PDHA1: variants seen among roughly 807,000 people sequenced by gnomAD.
PDHA1 encodes the protein pyruvate dehydrogenase E1 subunit alpha 1.
A neutral mutation model predicts 33.0 loss-of-function variants in PDHA1; 1 was observed. That is an observed-to-expected ratio of 0.03 (90% CI 0.01 to 0.14). The LOEUF is 0.14. Ranked by LOEUF, PDHA1 falls within the 10% of genes least tolerant of loss-of-function variation. PDHA1 has a pLI of 1.00. For synonymous variants in PDHA1, 123 were observed against 119.2 expected (o/e 1.03, Z -0.21); for missense variants, 168 against 325.1 (o/e 0.52, Z 3.72).
In PDHA1 at chrX:19,359,781, A is replaced by C; in HGVS notation, c.*128A>C. ...TTGGAAACTTCCATTAAGTGTGTAG[A>C]TTGAGCAGGTAGTAATTGCATGCAG... On this transcript the variant is annotated 3_prime_UTR_variant, in exon 11 of 11. Transcript: ENST00000422285. 1.7e-6 allele frequency: 1 copy of C among 599,041 alleles called. No individual in the cohort carries two copies. Among genetic ancestry groups the C allele is most frequent in the Non-Finnish European group, 2.8e-6 (1 of 361,320 alleles). The allele number at this position is 599,041 out of a possible 1,213,427, so 49.4% of individuals were successfully genotyped here.
At position 19,349,895 on chromosome X, in the gene PDHA1, A is replaced by G. The variant is rs770151701; in HGVS notation, c.118-42A>G. Reference sequence around the variant, plus strand: ...CTTAGAGTGGTCAACAGTGTTTGCAATGTAGTATGTGGAGGATAATAACTA... The same window carrying G: ...CTTAGAGTGGTCAACAGTGTTTGCAGTGTAGTATGTGGAGGATAATAACTA... On this transcript the variant is annotated intron_variant, in intron 2 of 10. Transcript: ENST00000422285. 33 of 1,088,638 alleles carry G rather than the reference A, an allele frequency of 3.0e-5. No homozygotes were observed. In the South Asian group the frequency reaches 4.0e-4, roughly 13 times the overall value. The allele number at this position is 1,088,638 out of a possible 1,213,427, so 89.7% of individuals were successfully genotyped here.
In PDHA1 at chrX:19,358,952, T is replaced by A; in HGVS notation, c.936T>A (p.Ser312Arg). 8.3e-7 allele frequency: 1 copy of A among 1,199,026 alleles called. No individual in the cohort carries two copies. ...GAGAAGAAATTCAGGAAGTAAGAAGTAAGAGTGACCCTATTATGCTTCTCA... is the reference window on the plus strand; with the variant it reads ...GAGAAGAAATTCAGGAAGTAAGAAGAAAGAGTGACCCTATTATGCTTCTCA... The part of the protein sequence containing the change: ...RTREEIQEVR[S>R]KSDPIMLLKD... The change falls in exon 10 of 11, where the codon AGT becomes AGA. Residue 312 changes from serine to arginine, a missense_variant. Transcript: ENST00000422285.
At chrX:19,354,093 G>T (rs2063180069) in intron 5 of PDHA1, among the ~76,000 whole-genome samples, 1 of 111,230 alleles carries the variant, frequency 9.0e-6, no homozygotes, top group Admixed American at 9.6e-5. Flanking sequence ...ATATAGTTAC[G>T]TGCCACCATG....
chrX:19,361,046 G>T lies in PDHA1; in HGVS notation c.*1393G>T. ...AAATGACTCGGGAACAAGAAGGCAG[G>T]CTGCAGTTTAAAGAAGGGGGTGGGT... On this transcript the variant is annotated 3_prime_UTR_variant, in exon 11 of 11. Transcript: ENST00000422285. The T allele has an allele frequency of 4.8e-6, 2 of 419,572 alleles. No individual in the cohort carries two copies. Among genetic ancestry groups the T allele is most frequent in the Non-Finnish European group, 8.2e-6 (2 of 244,399 alleles). 34.6% of individuals were successfully genotyped at this position (419,572 alleles called of 1,213,427 possible). A position where few individuals can be genotyped will look rare whatever the true frequency, so the allele number is the denominator to read the frequency against.
intron 5 of PDHA1, chrX:19,353,467 C>T: frequency 2.6e-6 from 1 of 377,397 alleles, no homozygotes; most frequent in Non-Finnish European, 4.7e-6. Context: ...AGGGTTGTAG[C>T]CTAGGAGCAG....
rs150842150 is a variant in PDHA1 at position 19,358,753 on chromosome X, C to T, written c.900-163C>T. Among the ~76,000 whole-genome samples the T allele has an allele frequency of 8.2e-3, 914 of 111,798 alleles. 5 individuals carry two copies. Among genetic ancestry groups the T allele is most frequent in the African/African-American group, 0.028 (856 of 30,748 alleles). Reference sequence around the variant, plus strand: ...TGAAAGTATAACAACAACTCTGCCACGCCTATAGTGACATAAGCATTGGTA... The same window carrying T: ...TGAAAGTATAACAACAACTCTGCCATGCCTATAGTGACATAAGCATTGGTA... On this transcript the variant is annotated intron_variant, in intron 9 of 10. Coordinates refer to ENST00000422285, the MANE Select transcript of PDHA1 (RefSeq NM_000284.4).
chrX:19,350,255 GTCTC>G (rs1356534663), intron 3 of PDHA1, 145 bp downstream of exon 3: 5 of 505,022 alleles, frequency 9.9e-6, no homozygotes, highest in African/African-American at 9.5e-5. Flanking sequence ...TTTTGAGACA[GTCTC>G]TCTCTGTCGC....
chrX:19,354,257 C>T (rs2063181318), intron 5 of PDHA1, among the ~76,000 whole-genome samples: 1 of 112,693 alleles, frequency 8.9e-6, no homozygotes, highest in South Asian at 3.6e-4. Flanking sequence ...CTCTTGAATG[C>T]AGAAATGTTA....
At chrX:19,359,078 C>A in intron 10 of PDHA1, 54 bp downstream of exon 10, 1 of 724,544 alleles carries the variant, frequency 1.4e-6, no homozygotes, top group Non-Finnish European at 2.2e-6. Flanking sequence ...GTTGCCACCC[C>A]TGGGTGGCCA....
At chrX:19,348,772 C>T (rs1416994635) in intron 1 of PDHA1, among the ~76,000 whole-genome samples, 1 of 111,415 alleles carries the variant, frequency 9.0e-6, no homozygotes, top group East Asian at 2.8e-4. Context: ...GGTGAAACCC[C>T]ATCTCTACTA....
In PDHA1 at chrX:19,345,576, A is replaced by T. The variant is rs1014217558; in HGVS notation, c.57+1482A>T. ...CAAGAGCAAGACTCCGTATTTTAAA[A>T]AAAAAAAAAAAAAAAAAAAAAAAAA... On this transcript the variant is annotated intron_variant, in intron 1 of 10. Coordinates refer to ENST00000422285, the MANE Select transcript of PDHA1 (RefSeq NM_000284.4). 1.7e-4 allele frequency among the ~76,000 whole-genome samples: 17 copies of T among 98,512 alleles called. No homozygotes were observed. The South Asian group carries it at 2.1e-3, about 12-fold the overall frequency. 85.5% of individuals were successfully genotyped at this position (98,512 alleles called of 115,157 possible).
chrX:19,358,939 A>G lies in PDHA1; in HGVS notation c.923A>G (p.Gln308Arg). 8.4e-7 allele frequency: 1 copy of G among 1,188,380 alleles called. No individual in the cohort carries two copies. Among genetic ancestry groups the G allele is most frequent in the Non-Finnish European group, 1.1e-6 (1 of 874,143 alleles). ...GVSYRTREEI[Q>R]EVRSKSDPIM... ...AGTTACCGTACACGAGAAGAAATTC[A>G]GGAAGTAAGAAGTAAGAGTGACCCT... is the stretch of plus-strand genomic sequence containing the variant. The change falls in exon 10 of 11, where the codon CAG (glutamine) becomes CGG (arginine). Residue 308 changes from glutamine to arginine, a missense_variant. Physicochemically the swap from Gln to Arg is conservative, Grantham distance 43 (BLOSUM62 1). This residue lies in a region of PDHA1 where 58 missense variants were observed against 63.4 expected (regional missense o/e 0.92). Coordinates refer to ENST00000422285, the MANE Select transcript of PDHA1 (RefSeq NM_000284.4).
In PDHA1 at chrX:19,360,754, C is replaced by G; in HGVS notation, c.*1101C>G. Reference sequence around the variant, plus strand: ...CACAGCTTAGCTGATTGGTATCAAGCCTTGTCTTTGGTTTCTGAGGCCTCC... The same window carrying G: ...CACAGCTTAGCTGATTGGTATCAAGGCTTGTCTTTGGTTTCTGAGGCCTCC... On this transcript the variant is annotated 3_prime_UTR_variant, in exon 11 of 11. Coordinates refer to ENST00000422285, the MANE Select transcript of PDHA1 (RefSeq NM_000284.4). The G allele has an allele frequency of 8.3e-7, 1 of 1,206,182 alleles. No individual in the cohort carries two copies. The highest frequency in any genetic ancestry group is 1.1e-6 in the Non-Finnish European group (1 of 891,642).
Position 19,352,809 on chromosome X carries a change from G to T in PDHA1, c.419-273G>T, listed in dbSNP as rs755855203. ...GTCCTAAGATGTTTGTAACTGGCCA[G>T]AAAACCCAGAAAAGTCCAGGGTATC... is the stretch of plus-strand genomic sequence containing the variant. On this transcript the variant is annotated intron_variant, in intron 4 of 10. Coordinates refer to ENST00000422285, the MANE Select transcript of PDHA1 (RefSeq NM_000284.4). The T allele has an allele frequency of 1.9e-4, 76 of 396,704 alleles. No individual in the cohort carries two copies. The South Asian group carries it at 2.6e-3, about 13-fold the overall frequency. 32.7% of individuals were successfully genotyped at this position (396,704 alleles called of 1,213,427 possible). A position where few individuals can be genotyped will look rare whatever the true frequency, so the allele number is the denominator to read the frequency against.
chrX:19,360,093 C>T lies in PDHA1; in HGVS notation c.*440C>T. The stretch of plus-strand genomic sequence containing the variant: ...CAATATTTATTATCAGGCAAGAGGA[C>T]AGTTCCATTTTAAAATAAGACTTTT... On this transcript the variant is annotated 3_prime_UTR_variant, in exon 11 of 11. Coordinates refer to ENST00000422285, the MANE Select transcript of PDHA1 (RefSeq NM_000284.4). 2 of 163,077 alleles carry T rather than the reference C, an allele frequency of 1.2e-5. No individual in the cohort carries two copies. Among genetic ancestry groups the T allele is most frequent in the Non-Finnish European group, 1.2e-5 (1 of 86,656 alleles). 13.4% of individuals were successfully genotyped at this position (163,077 alleles called of 1,213,427 possible).
chrX:19,357,179 C>T (rs1250381052), intron 8 of PDHA1, among the ~76,000 whole-genome samples: 2 of 112,308 alleles, frequency 1.8e-5, no homozygotes, highest in Admixed American at 9.4e-5. Context: ...ACACTCACAG[C>T]TCACTGCACC....
rs187360934 is a variant in PDHA1 at position 19,359,787 on chromosome X, C to A, written c.*134C>A. ...ACTTCCATTAAGTGTGTAGATTGAG[C>A]AGGTAGTAATTGCATGCAGTTTGTA... On this transcript the variant is annotated 3_prime_UTR_variant, in exon 11 of 11. Transcript: ENST00000422285. 3.5e-5 allele frequency: 20 copies of A among 566,242 alleles called. No individual in the cohort carries two copies. In the East Asian group the frequency reaches 7.2e-4, roughly 20 times the overall value. The allele number at this position is 566,242 out of a possible 1,213,427, so 46.7% of individuals were successfully genotyped here.
Position 19,360,664 on chromosome X carries a change from A to G in PDHA1, c.*1011A>G, listed in dbSNP as rs1468746744. 2 of 695,131 alleles carry G rather than the reference A, an allele frequency of 2.9e-6. No individual in the cohort carries two copies. The highest frequency in any genetic ancestry group is 4.5e-6 in the Non-Finnish European group (2 of 444,155). 57.3% of individuals were successfully genotyped at this position (695,131 alleles called of 1,213,427 possible). ...ATGGCATTTTTAAATATGTAAACACAGCGGAATTCGTGTATACACTAACAG... is the reference window on the plus strand; with the variant it reads ...ATGGCATTTTTAAATATGTAAACACGGCGGAATTCGTGTATACACTAACAG... On this transcript the variant is annotated 3_prime_UTR_variant, in exon 11 of 11. Coordinates refer to ENST00000422285, the MANE Select transcript of PDHA1 (RefSeq NM_000284.4).
chrX:19,359,443 G>C lies in PDHA1; in HGVS notation c.1009-46G>C, dbSNP rs189908439. 116 of 1,090,296 alleles carry C rather than the reference G, an allele frequency of 1.1e-4. 1 individual carries two copies. In the African/African-American group the frequency reaches 1.8e-3, roughly 17 times the overall value. The allele number at this position is 1,090,296 out of a possible 1,213,427, so 89.9% of individuals were successfully genotyped here. On this transcript the variant is annotated intron_variant, in intron 10 of 10. Coordinates refer to ENST00000422285, the MANE Select transcript of PDHA1 (RefSeq NM_000284.4). The stretch of plus-strand genomic sequence containing the variant: ...CAGCAGAACTCTAGTTGGTACCTAA[G>C]CTGCTGTTCATTCTAAAACCTTTTA...
Sources: allele counts gnomAD v4.1 joint callset (sites outside exome capture counted in the v4.1 genomes callset), GRCh38; gene constraint gnomAD v4.1.1; regional missense constraint gnomAD v4.1.1; transcripts MANE v1.5; gene names NCBI Gene and HGNC (gene_info 2026-07-23, HGNC 2026-07-21).